Variants in LRRC4C observed in about 807,000 individuals in gnomAD.
LRRC4C encodes the protein leucine rich repeat containing 4C.
In LRRC4C, 5 loss-of-function variants were observed where a neutral mutation model predicts 33.6. The observed-to-expected ratio is 0.15, with a 90% CI of 0.08 to 0.31. LRRC4C has a LOEUF of 0.31. Ranked by LOEUF, LRRC4C falls within the 10% of genes least tolerant of loss-of-function variation. LRRC4C has a pLI of 1.00. For synonymous variants in LRRC4C, 329 were observed against 302.0 expected (o/e 1.09, Z -0.93); for missense variants, 560 against 796.7 (o/e 0.70, Z 3.58).
chr11:40,810,717 T>A (rs1318089555), intron 2 of LRRC4C, among the ~76,000 whole-genome samples: 1 of 152,134 alleles, frequency 6.6e-6, no homozygotes, highest in Non-Finnish European at 1.5e-5. Flanking sequence ...TTAATTCTTC[T>A]ATTACTATCA....
chr11:40,572,012 G>A, intron 3 of LRRC4C, among the ~76,000 whole-genome samples: 1 of 152,028 alleles, frequency 6.6e-6, no homozygotes, highest in African/African-American at 2.4e-5. Flanking sequence ...ATTACCACAG[G>A]GTTTCCGTAT....
chr11:41,028,004 T>C (rs1856490808), intron 1 of LRRC4C, among the ~76,000 whole-genome samples: 1 of 150,290 alleles, frequency 6.7e-6, no homozygotes. Flanking sequence ...GAAGGTAGGC[T>C]GCATGAGGGA....
chr11:40,414,747 TC>T (rs1950265837), intron 3 of LRRC4C, among the ~76,000 whole-genome samples: 1 of 152,110 alleles, frequency 6.6e-6, no homozygotes, highest in African/African-American at 2.4e-5. Context: ...AAAGCTTCTT[TC>T]TTTAAGCATC....
At chr11:40,898,369 A>G (rs1359248077) in intron 2 of LRRC4C, among the ~76,000 whole-genome samples, 1 of 150,406 alleles carries the variant, frequency 6.6e-6, no homozygotes, top group Non-Finnish European at 1.5e-5. Flanking sequence ...AAAAAAAAAA[A>G]AAAGAAAAAA....
intron 3 of LRRC4C, among the ~76,000 whole-genome samples, chr11:40,640,824 G>A (rs1258751711): frequency 6.6e-6 from 1 of 151,868 alleles, no homozygotes; most frequent in Admixed American, 6.6e-5. Flanking sequence ...AGACTATCTT[G>A]GATAACACGG....
At chr11:40,168,021 C>G (rs1859744856) in intron 5 of LRRC4C, among the ~76,000 whole-genome samples, 1 of 151,810 alleles carries the variant, frequency 6.6e-6, no homozygotes, top group Non-Finnish European at 1.5e-5. Flanking sequence ...TCCAGCCTGG[C>G]AACAGAGCAA....
intron 1 of LRRC4C, among the ~76,000 whole-genome samples, chr11:41,350,536 G>GA (rs1951947705): frequency 6.8e-6 from 1 of 147,498 alleles, no homozygotes; most frequent in Non-Finnish European, 1.5e-5. Context: ...AAGAAAGAAA[G>GA]AAAAAATGTT....
chr11:40,568,906 C>G (rs1156745055), intron 3 of LRRC4C, among the ~76,000 whole-genome samples: 1 of 152,234 alleles, frequency 6.6e-6, no homozygotes, highest in East Asian at 1.9e-4. Context: ...TCAAGGATTA[C>G]AGGTAAAGGT....
chr11:41,048,617 G>C (rs559948749), intron 1 of LRRC4C, among the ~76,000 whole-genome samples: 1 of 152,160 alleles, frequency 6.6e-6, no homozygotes, highest in Non-Finnish European at 1.5e-5. Flanking sequence ...TGATCATTTA[G>C]AGTATTACCT....
At chr11:41,059,210 G>GTTTTTTTTTTTTTTTT (rs397935483) in intron 1 of LRRC4C, among the ~76,000 whole-genome samples, 6 of 125,218 alleles carry the variant, frequency 4.8e-5, no homozygotes, top group Admixed American at 8.9e-5. Context: ...TAAAATAAAA[G>GTTTTTTTTTTTTTTTT]TTTTTTTTTT....
At chr11:41,262,989 C>T (rs1273051050) in intron 1 of LRRC4C, among the ~76,000 whole-genome samples, 3 of 152,064 alleles carry the variant, frequency 2.0e-5, no homozygotes, top group Non-Finnish European at 4.4e-5. Flanking sequence ...TGTCATGTTG[C>T]TTATATGCTT....
At chr11:41,457,321 G>C (rs1405306985) in intron 1 of LRRC4C, among the ~76,000 whole-genome samples, 1 of 152,092 alleles carries the variant, frequency 6.6e-6, no homozygotes, top group African/African-American at 2.4e-5. Context: ...ACACTAAATA[G>C]ATGACCTAAA....
intron 1 of LRRC4C, among the ~76,000 whole-genome samples, chr11:41,060,458 C>T (rs1179728239): frequency 3.9e-5 from 6 of 152,126 alleles, no homozygotes; most frequent in South Asian, 2.1e-4. Flanking sequence ...TTGTTTCTGG[C>T]GAGTACCCTC....
chr11:40,957,953 C>T (rs776129234), intron 1 of LRRC4C, among the ~76,000 whole-genome samples: 1 of 150,368 alleles, frequency 6.7e-6, no homozygotes, highest in South Asian at 2.1e-4. Flanking sequence ...CAAGGTGATA[C>T]TATTAGGAGG....
chr11:40,254,585 T>C (rs1008718294), intron 4 of LRRC4C, among the ~76,000 whole-genome samples: 1 of 152,226 alleles, frequency 6.6e-6, no homozygotes, highest in Admixed American at 6.5e-5. Flanking sequence ...ATACACATAA[T>C]AGAACTTCTA....
intron 3 of LRRC4C, among the ~76,000 whole-genome samples, chr11:40,492,892 T>C (rs1345949004): frequency 6.6e-6 from 1 of 152,180 alleles, no homozygotes; most frequent in Non-Finnish European, 1.5e-5. Context: ...GCTAGAAATA[T>C]TGGAGGATTT....
chr11:41,428,120 G>C (rs7933203), intron 1 of LRRC4C, among the ~76,000 whole-genome samples: 4,816 of 152,238 alleles, frequency 0.032, 255 homozygotes, highest in African/African-American at 0.11. Context: ...ATGGATACGA[G>C]TGAGAAAGTG....
At chr11:40,721,732 C>T (rs1234414269) in intron 2 of LRRC4C, among the ~76,000 whole-genome samples, 12 of 152,228 alleles carry the variant, frequency 7.9e-5, no homozygotes, top group Admixed American at 5.2e-4. Flanking sequence ...GGGCGGATCA[C>T]GAGGTCAGGA....
chr11:41,023,831 G>A (rs974567438), intron 1 of LRRC4C, among the ~76,000 whole-genome samples: 1 of 151,658 alleles, frequency 6.6e-6, no homozygotes, highest in African/African-American at 2.4e-5. Flanking sequence ...TTGATGGCCT[G>A]AGCAGCAGAA....
Sources: allele counts gnomAD v4.1 joint callset (sites outside exome capture counted in the v4.1 genomes callset), GRCh38; gene constraint gnomAD v4.1.1; transcripts MANE v1.5; gene names NCBI Gene and HGNC (gene_info 2026-07-23, HGNC 2026-07-21).